Variants in PTPRN2 observed in about 807,000 individuals in gnomAD.
PTPRN2 encodes the protein receptor-type tyrosine-protein phosphatase N2.
Under a neutral mutation model 118.8 loss-of-function variants are expected in PTPRN2, and 74 were observed. The ratio of observed to expected loss-of-function variants is 0.62; its 90% CI spans 0.52 to 0.76. The LOEUF (loss-of-function observed/expected upper bound fraction) is 0.76. PTPRN2 is among the 30% of genes least tolerant of loss of function. The pLI is 0.00. For synonymous variants in PTPRN2, 641 were observed against 608.0 expected (o/e 1.05, Z -0.80); for missense variants, 1,481 against 1,394.4 (o/e 1.06, Z -0.99).
intron 2 of PTPRN2, among the ~76,000 whole-genome samples, chr7:158,317,368 G>T (rs1009832108): frequency 1.3e-5 from 2 of 152,372 alleles, no homozygotes; most frequent in South Asian, 4.1e-4. Context: ...TACAAGGATC[G>T]GCGGAGACGC....
rs755531103 is a variant in PTPRN2, at chr7:158,489,772, C to G, written c.126G>C (p.Glu42Asp). 1.2e-5 allele frequency: 19 copies of G among 1,580,514 alleles called. No individual in the cohort carries two copies. Among genetic ancestry groups the G allele is most frequent in the Admixed American group, 7.1e-5 (4 of 55,972 alleles). ...CCTCGGACGCTCCGCAGAGGCCCTC[C>G]TCGAGCAGGCAGCCTGCGGGGAAAC... is the stretch of plus-strand genomic sequence containing the variant. ...QLPGRLGCLL[E>D]EGLCGASEAC... The change falls in exon 2 of 23, where the codon GAG becomes GAC. Residue 42 changes from glutamate to aspartate, a missense_variant. By Grantham distance (45) the Glu-to-Asp change is conservative. This residue lies in a region of PTPRN2 where 1,115 missense variants were observed against 994.2 expected (regional missense o/e 1.12). Transcript: ENST00000389418.
In PTPRN2 at chr7:158,155,243, G is replaced by A. The variant is rs532944801; in HGVS notation, c.910+11688C>T. 1.1e-4 allele frequency among the ~76,000 whole-genome samples: 16 copies of A among 152,276 alleles called. No homozygotes were observed. The South Asian group carries it at 3.3e-3, about 32-fold the overall frequency. On this transcript the variant is annotated intron_variant, in intron 6 of 22. Coordinates refer to ENST00000389418, the MANE Select transcript of PTPRN2 (RefSeq NM_002847.5). The stretch of plus-strand genomic sequence containing the variant: ...TATTGAAATTATATGTCATTGTAGG[G>A]CCTTCCAAACAAAATGGTACAAGCT...
chr7:158,328,822 G>A (rs1803878982), intron 2 of PTPRN2, among the ~76,000 whole-genome samples: 1 of 149,380 alleles, frequency 6.7e-6, no homozygotes, highest in Admixed American at 6.7e-5. Context: ...AGGGATCCCA[G>A]GGAGGCCTGG....
chr7:157,882,153 T>C (rs1183943357), intron 12 of PTPRN2, among the ~76,000 whole-genome samples: 1 of 144,816 alleles, frequency 6.9e-6, no homozygotes, highest in African/African-American at 2.6e-5. Context: ...GAACAGAACA[T>C]GCCACCCCAA....
chr7:158,081,139 G>C (rs1368049912), intron 11 of PTPRN2, among the ~76,000 whole-genome samples, 159 bp downstream of exon 11: 4 of 152,198 alleles, frequency 2.6e-5, no homozygotes, highest in Non-Finnish European at 5.9e-5. Flanking sequence ...TCCCCTCACT[G>C]CACACCAGAT....
intron 3 of PTPRN2, among the ~76,000 whole-genome samples, chr7:158,294,862 G>A (rs993949807): frequency 2.1e-5 from 3 of 142,754 alleles, no homozygotes; most frequent in Non-Finnish European, 4.5e-5. Context: ...CTGCCTTTCT[G>A]AGGGTCTAAG....
intron 12 of PTPRN2, among the ~76,000 whole-genome samples, chr7:157,773,407 T>C (rs1803003912): frequency 6.6e-6 from 1 of 152,216 alleles, no homozygotes; most frequent in South Asian, 2.1e-4. Flanking sequence ...GTGGGACTCT[T>C]ACCCTGACGA....
At chr7:158,516,105 C>T (rs1403109539) in intron 1 of PTPRN2, among the ~76,000 whole-genome samples, 1 of 152,214 alleles carries the variant, frequency 6.6e-6, no homozygotes, top group Non-Finnish European at 1.5e-5. Context: ...CCATCTCTTG[C>T]CTCAAAGGCC....
intron 2 of PTPRN2, among the ~76,000 whole-genome samples, chr7:158,409,132 C>T (rs1388025129): frequency 6.6e-6 from 1 of 152,116 alleles, no homozygotes; most frequent in Non-Finnish European, 1.5e-5. Context: ...GCAGGTAATG[C>T]TTGGTTTACG....
intron 11 of PTPRN2, among the ~76,000 whole-genome samples, chr7:158,002,923 G>A (rs1805377424): frequency 6.6e-6 from 1 of 152,190 alleles, no homozygotes; most frequent in Non-Finnish European, 1.5e-5. Flanking sequence ...AGGAGATGGA[G>A]TGCCCTGGTC....
chr7:157,744,147 T>G (rs888128314), intron 12 of PTPRN2, among the ~76,000 whole-genome samples: 1 of 152,158 alleles, frequency 6.6e-6, no homozygotes, highest in African/African-American at 2.4e-5. Context: ...ACGTGCTAGG[T>G]TACTGGGTAC....
intron 1 of PTPRN2, among the ~76,000 whole-genome samples, chr7:158,568,130 G>A (rs1935993918): frequency 1.3e-5 from 2 of 152,176 alleles, no homozygotes; most frequent in South Asian, 4.1e-4. Flanking sequence ...GTACATGCCT[G>A]TAGTTCCAGC....
At chr7:157,863,660 C>T (rs1269733169) in intron 12 of PTPRN2, 2 of 152,372 alleles carry the variant, frequency 1.3e-5, no homozygotes, top group African/African-American at 2.4e-5. Context: ...GCAGCCTTGA[C>T]CCCCAGGACC....
At chr7:158,036,672 T>C (rs947041653) in intron 11 of PTPRN2, among the ~76,000 whole-genome samples, 1 of 152,196 alleles carries the variant, frequency 6.6e-6, no homozygotes, top group Non-Finnish European at 1.5e-5. Flanking sequence ...AAAAGTCCAG[T>C]AATATCTTAG....
rs370914972 is a variant in PTPRN2 at position 158,131,669 on chromosome 7, A to G, written c.1556+2008T>C. On this transcript the variant is annotated intron_variant, in intron 9 of 22. Coordinates refer to ENST00000389418, the MANE Select transcript of PTPRN2 (RefSeq NM_002847.5). ...CATGCACATACACACAAACCGATAC[A>G]CATCTACCCGACACACACTCATACA... 3.7e-3 allele frequency among the ~76,000 whole-genome samples: 567 copies of G among 151,578 alleles called. 3 individuals carry two copies. The highest frequency in any genetic ancestry group is 0.013 in the African/African-American group (553 of 41,108).
At chr7:157,798,701 G>C (rs562686309) in intron 12 of PTPRN2, among the ~76,000 whole-genome samples, 5 of 152,098 alleles carry the variant, frequency 3.3e-5, no homozygotes, top group Non-Finnish European at 7.4e-5. Context: ...CTTTATGTTC[G>C]TTTTATTAAT....
chr7:158,492,911 G>A (rs780453995), intron 1 of PTPRN2, among the ~76,000 whole-genome samples: 1 of 152,234 alleles, frequency 6.6e-6, no homozygotes, highest in Non-Finnish European at 1.5e-5. Flanking sequence ...TGTGTACCCT[G>A]TCGGCTCACA....
At chr7:158,193,262 G>A (rs988404734) in intron 4 of PTPRN2, among the ~76,000 whole-genome samples, 1 of 152,208 alleles carries the variant, frequency 6.6e-6, no homozygotes, top group African/African-American at 2.4e-5. Context: ...GGGCCCCATG[G>A]GACAGCTGCG....
Position 158,133,892 on chromosome 7 carries a change from G to A in PTPRN2, c.1341C>T (p.Val447=). Residue 447 remains valine, a synonymous_variant, in exon 9 of 23, where the codon GTC becomes GTT. Coordinates refer to ENST00000389418, the MANE Select transcript of PTPRN2 (RefSeq NM_002847.5). ...GATCTTTGGAATACGTCTGGCTCTT[G>A]ACGTTCTCCACTCCGGCAGTCTCCT... ...SEEETAGVEN[V]KSQTYSKDLL... 1 of 1,613,924 alleles carries A rather than the reference G, an allele frequency of 6.2e-7. No homozygotes were observed. Among genetic ancestry groups the A allele is most frequent in the Non-Finnish European group, 8.5e-7 (1 of 1,180,030 alleles).
Sources: allele counts gnomAD v4.1 joint callset (sites outside exome capture counted in the v4.1 genomes callset), GRCh38; gene constraint gnomAD v4.1.1; regional missense constraint gnomAD v4.1.1; transcripts MANE v1.5; gene names NCBI Gene and HGNC (gene_info 2026-07-23, HGNC 2026-07-21).